Variants in ATP9B observed in about 807,000 individuals in gnomAD.
The protein encoded by ATP9B is ATPase phospholipid transporting 9B.
A neutral mutation model predicts 146.1 loss-of-function variants in ATP9B; 110 were observed. That is an observed-to-expected ratio of 0.75 (90% CI 0.65 to 0.88). The LOEUF (loss-of-function observed/expected upper bound fraction) is 0.88. ATP9B is among the 40% of genes least tolerant of loss of function. The pLI, the probability that ATP9B is intolerant of heterozygous loss-of-function variation, is 0.00. For missense variants in ATP9B, 1,499 were observed against 1,496.4 expected, an observed-to-expected ratio of 1.00 and a Z score of -0.03; for synonymous variants, 604 against 569.7, an observed-to-expected ratio of 1.06 and a Z score of -0.86.
chr18:79,319,788 A>C lies in ATP9B; in HGVS notation c.1774-9353A>C, dbSNP rs573725515. Among the ~76,000 whole-genome samples, 7 of 152,358 alleles carry C rather than the reference A, an allele frequency of 4.6e-5. No homozygotes were observed. The South Asian group carries it at 1.5e-3, about 32-fold the overall frequency. On this transcript the variant is annotated intron_variant, in intron 15 of 29. Coordinates refer to ENST00000426216, the MANE Select transcript of ATP9B (RefSeq NM_198531.5). The stretch of plus-strand genomic sequence containing the variant: ...ATGTATGTGATTCTCCATGTAAATA[A>C]ATCTAAAATAAAGTCCTGAAGCAAA...
chr18:79,372,329 T>G, intron 26 of ATP9B: 1 of 288,548 alleles, frequency 3.5e-6, no homozygotes, highest in Non-Finnish European at 7.0e-6. Flanking sequence ...GGGTTATGTA[T>G]GTGACATGTT....
At chr18:79,238,163 C>G (rs1282110922) in intron 11 of ATP9B, among the ~76,000 whole-genome samples, 1 of 151,672 alleles carries the variant, frequency 6.6e-6, no homozygotes, top group South Asian at 2.1e-4. Context: ...TTCATATACT[C>G]TGCATTTTAA....
chr18:79,326,759 A>C (rs12458154), intron 15 of ATP9B, among the ~76,000 whole-genome samples: 35,692 of 152,132 alleles, frequency 0.23, 4,730 homozygotes, highest in Admixed American at 0.31. Context: ...TGCTTAGAAA[A>C]TCTGATTTTA....
chr18:79,075,224 T>A (rs892814456), intron 1 of ATP9B, among the ~76,000 whole-genome samples: 3 of 152,126 alleles, frequency 2.0e-5, no homozygotes, highest in Non-Finnish European at 4.4e-5. Flanking sequence ...CTACAGGCGC[T>A]CACTACAGCC....
chr18:79,243,725 G>A (rs950648131), intron 11 of ATP9B, among the ~76,000 whole-genome samples: 2 of 152,190 alleles, frequency 1.3e-5, no homozygotes, highest in African/African-American at 4.8e-5. Flanking sequence ...TCATTTTGTG[G>A]TGGTTTCTAA....
chr18:79,369,301 G>A (rs946572645), intron 26 of ATP9B, among the ~76,000 whole-genome samples: 35 of 152,020 alleles, frequency 2.3e-4, no homozygotes, highest in Middle Eastern at 3.4e-3. Context: ...TTGGGAGGCC[G>A]AGGCGGGCGG....
intron 11 of ATP9B, among the ~76,000 whole-genome samples, chr18:79,251,594 C>T (rs1213282004): frequency 6.6e-6 from 1 of 152,184 alleles, no homozygotes; most frequent in African/African-American, 2.4e-5. Context: ...CGCAGCTGCA[C>T]TTAATGGACT....
intron 26 of ATP9B, chr18:79,361,371 T>A (rs1346077099): frequency 6.6e-6 from 1 of 152,204 alleles, no homozygotes; most frequent in Non-Finnish European, 1.5e-5. Context: ...GGCCATGGAA[T>A]CCGTAAGTTC....
intron 11 of ATP9B, among the ~76,000 whole-genome samples, chr18:79,226,862 C>T (rs115651639): frequency 1.3e-5 from 2 of 152,256 alleles, no homozygotes; most frequent in African/African-American, 4.8e-5. Flanking sequence ...TTGACTGACA[C>T]CCGCTGTGTG....
intron 29 of ATP9B, chr18:79,376,388 CAT>C (rs2097103592): frequency 1.3e-3 from 1,104 of 880,964 alleles, no homozygotes; most frequent in South Asian, 3.1e-3. Flanking sequence ...CATCTGCAAC[CAT>C]TTTTTTTTTT....
intron 12 of ATP9B, among the ~76,000 whole-genome samples, chr18:79,268,031 A>C (rs2096220854): frequency 6.6e-6 from 1 of 152,058 alleles, no homozygotes; most frequent in Non-Finnish European, 1.5e-5. Context: ...TTGATATTGG[A>C]TGCATACAAA....
chr18:79,190,903 T>TTA (rs1555740013), intron 8 of ATP9B, among the ~76,000 whole-genome samples: 8 of 152,204 alleles, frequency 5.3e-5, no homozygotes, highest in Non-Finnish European at 8.8e-5. Flanking sequence ...GGGTTTTTTT[T>TTA]AAATATTTAC....
intron 5 of ATP9B, among the ~76,000 whole-genome samples, chr18:79,137,688 T>C (rs573046789): frequency 6.6e-6 from 1 of 152,350 alleles, no homozygotes; most frequent in African/African-American, 2.4e-5. Flanking sequence ...CCCTGGCCCT[T>C]CCTTCAGCCT....
chr18:79,292,172 A>G (rs1003369024), intron 13 of ATP9B, among the ~76,000 whole-genome samples: 1 of 152,182 alleles, frequency 6.6e-6, no homozygotes, highest in African/African-American at 2.4e-5. Context: ...CTTTTTGCCT[A>G]CTACGACTAA....
In ATP9B at chr18:79,329,281, G is replaced by A; in HGVS notation, c.1914G>A (p.Lys638=). The change falls in exon 16 of 30, where the codon AAG becomes AAA. Residue 638 remains lysine (K), a synonymous_variant. Coordinates refer to ENST00000426216, the MANE Select transcript of ATP9B (RefSeq NM_198531.5). ...LQLFPFTSES[K]RMGVIVRDES... ...TGTTTCCCTTCACCTCCGAGAGCAA[G>A]CGGATGGGCGTCATCGTCAGGGTGA... 6.2e-7 allele frequency: 1 copy of A among 1,609,686 alleles called. No homozygotes were observed. The highest frequency in any genetic ancestry group is 2.2e-5 in the East Asian group (1 of 44,752).
intron 7 of ATP9B, among the ~76,000 whole-genome samples, chr18:79,164,707 A>G (rs1013203459): frequency 6.6e-6 from 1 of 152,200 alleles, no homozygotes; most frequent in African/African-American, 2.4e-5. Flanking sequence ...TGACAGAGCG[A>G]GACTCCATCT....
chr18:79,343,004 T>G (rs1261299209), intron 20 of ATP9B, among the ~76,000 whole-genome samples: 1 of 152,252 alleles, frequency 6.6e-6, no homozygotes, highest in Non-Finnish European at 1.5e-5. Flanking sequence ...TGACTAAATT[T>G]AATTCAAACA....
intron 6 of ATP9B, among the ~76,000 whole-genome samples, chr18:79,153,749 C>A (rs1483252991): frequency 6.6e-6 from 1 of 151,236 alleles, no homozygotes; most frequent in African/African-American, 2.4e-5. Flanking sequence ...CCTCCTGGCT[C>A]AAGCCATCCT....
intron 13 of ATP9B, among the ~76,000 whole-genome samples, chr18:79,291,621 C>T (rs1366435403): frequency 6.6e-6 from 1 of 152,230 alleles, no homozygotes; most frequent in African/African-American, 2.4e-5. Flanking sequence ...TTTAACCCAA[C>T]AAGGTGTGAT....
Sources: gnomAD v4.1 joint callset for allele counts (sites outside exome capture counted in the v4.1 genomes callset) on GRCh38, gnomAD v4.1.1 for gene constraint, MANE v1.5 for transcripts, NCBI Gene and HGNC (gene_info 2026-07-23, HGNC 2026-07-21) for gene names.